The following RBFOX1 variants were observed in gnomAD, a reference collection of about 807,000 sequenced individuals.
RBFOX1 encodes the protein RNA binding fox-1 homolog 1, also known as RNA binding protein fox-1 homolog 1.
A neutral mutation model predicts 57.7 loss-of-function variants in RBFOX1; 8 were observed. The observed-to-expected ratio is 0.14, with a 90% CI of 0.08 to 0.25. The LOEUF is 0.25. RBFOX1 is among the 10% of genes least tolerant of loss of function. The probability of loss-of-function intolerance (pLI) is 1.00; values close to 1 mark genes in which losing one functional copy is unlikely to be tolerated. For missense variants in RBFOX1, 611 were observed against 548.5 expected, an observed-to-expected ratio of 1.11 and a Z score of -1.14; for synonymous variants, 326 against 222.4, an observed-to-expected ratio of 1.47 and a Z score of -4.15.
At chr16:5,851,267 C>G (rs1186118975) in intron 3 of RBFOX1, among the ~76,000 whole-genome samples, 1 of 152,192 alleles carries the variant, frequency 6.6e-6, no homozygotes, top group Non-Finnish European at 1.5e-5. Flanking sequence ...TGTTACTGAT[C>G]ACGTCCTATC....
intron 3 of RBFOX1, among the ~76,000 whole-genome samples, chr16:5,642,691 G>A (rs1356437413): frequency 6.6e-6 from 1 of 152,144 alleles, no homozygotes; most frequent in Non-Finnish European, 1.5e-5. Flanking sequence ...TTTACTAGAG[G>A]TAATTACAGA....
chr16:6,350,497 A>AAAC, intron 2 of RBFOX1, among the ~76,000 whole-genome samples: 1 of 129,688 alleles, frequency 7.7e-6, no homozygotes, highest in African/African-American at 3.0e-5. Flanking sequence ...AAAAAAAAAA[A>AAAC]AACAGTGTTC....
At chr16:6,122,264 C>G (rs1304146766) in intron 1 of RBFOX1, among the ~76,000 whole-genome samples, 2 of 151,922 alleles carry the variant, frequency 1.3e-5, no homozygotes, top group East Asian at 1.9e-4. Context: ...ATTGTCTCAT[C>G]TGCTAGTCTG....
At chr16:5,309,149 A>G (rs2064016123) in intron 1 of RBFOX1, among the ~76,000 whole-genome samples, 1 of 152,218 alleles carries the variant, frequency 6.6e-6, no homozygotes, top group South Asian at 2.1e-4. Flanking sequence ...CAGATCCCTG[A>G]CTTAAAATTC....
intron 3 of RBFOX1, among the ~76,000 whole-genome samples, chr16:5,676,645 G>T (rs2050177610): frequency 6.6e-6 from 1 of 152,172 alleles, no homozygotes; most frequent in Non-Finnish European, 1.5e-5. Flanking sequence ...AAGATCACTG[G>T]AGGCCAGGAG....
intron 3 of RBFOX1, among the ~76,000 whole-genome samples, chr16:6,850,921 C>A (rs139982857): frequency 3.2e-4 from 48 of 152,284 alleles, no homozygotes; most frequent in African/African-American, 1.1e-3. Context: ...AACCTGTATG[C>A]AAATGTTCAC....
At chr16:7,194,364 A>G (rs1001449841) in intron 4 of RBFOX1, among the ~76,000 whole-genome samples, 2 of 152,232 alleles carry the variant, frequency 1.3e-5, no homozygotes, top group African/African-American at 2.4e-5. Flanking sequence ...AAAATAATGC[A>G]TTTCAATTTA....
chr16:5,876,749 C>T (rs1405990962), intron 4 of RBFOX1, among the ~76,000 whole-genome samples: 5 of 152,294 alleles, frequency 3.3e-5, no homozygotes, highest in Admixed American at 6.5e-5. Flanking sequence ...GATGTGCTCC[C>T]GGGCTCATAC....
intron 4 of RBFOX1, among the ~76,000 whole-genome samples, chr16:7,087,526 G>A (rs962097227): frequency 1.4e-5 from 2 of 144,282 alleles, no homozygotes; most frequent in African/African-American, 5.0e-5. Flanking sequence ...GAAAAGAGAA[G>A]AAGGGCAAGA....
intron 4 of RBFOX1, among the ~76,000 whole-genome samples, chr16:5,877,893 C>A (rs140239056): frequency 1.3e-5 from 2 of 152,096 alleles, no homozygotes; most frequent in Non-Finnish European, 2.9e-5. Context: ...CTCTGGTGGG[C>A]GTGTCTTATG....
At chr16:6,222,175 G>C (rs1303291824) in intron 1 of RBFOX1, among the ~76,000 whole-genome samples, 1 of 152,138 alleles carries the variant, frequency 6.6e-6, no homozygotes, top group Non-Finnish European at 1.5e-5. Flanking sequence ...TTTTAGACTA[G>C]AGAGATATTT....
chr16:7,550,018 C>G (rs761557830), intron 5 of RBFOX1, among the ~76,000 whole-genome samples: 11 of 152,114 alleles, frequency 7.2e-5, no homozygotes, highest in Non-Finnish European at 1.0e-4. Flanking sequence ...CAGCCTTGTC[C>G]TCCTGGGCTC....
At chr16:7,311,582 C>T (rs1410078672) in intron 4 of RBFOX1, among the ~76,000 whole-genome samples, 1 of 148,630 alleles carries the variant, frequency 6.7e-6, no homozygotes, top group East Asian at 2.0e-4. Context: ...TTTTTCCCTT[C>T]CATAGATCAG....
intron 3 of RBFOX1, among the ~76,000 whole-genome samples, chr16:6,921,424 G>T (rs550881293): frequency 2.0e-5 from 3 of 152,128 alleles, no homozygotes; most frequent in African/African-American, 7.2e-5. Context: ...TTTATTTCCT[G>T]TGACCGTAAG....
At chr16:6,877,683 A>C (rs369707234) in intron 3 of RBFOX1, among the ~76,000 whole-genome samples, 1 of 152,182 alleles carries the variant, frequency 6.6e-6, no homozygotes, top group African/African-American at 2.4e-5. Flanking sequence ...AAGGATTGCT[A>C]TTCTCTGTGT....
In RBFOX1 at chr16:5,946,325, A is replaced by C. The variant is rs1325166598; in HGVS notation, c.351+78990A>C. ...GTTATTTGAGGCTCAGACTAAATGGATGTGAGTGTGTCTTCAATGATTTAC... is the reference window on the plus strand; with the variant it reads ...GTTATTTGAGGCTCAGACTAAATGGCTGTGAGTGTGTCTTCAATGATTTAC... On this transcript the variant is annotated intron_variant, in intron 4 of 19. Coordinates refer to the RBFOX1 transcript ENST00000641259. The surrounding 1 kb of genome is among the most constrained non-coding windows in gnomAD (Gnocchi z 4.6). Among the ~76,000 whole-genome samples the C allele has an allele frequency of 6.6e-6, 1 of 152,138 alleles. No individual in the cohort carries two copies. Among genetic ancestry groups the C allele is most frequent in the Non-Finnish European group, 1.5e-5 (1 of 68,026 alleles).
At chr16:6,804,812 T>G (rs1195498137) in intron 3 of RBFOX1, among the ~76,000 whole-genome samples, 1 of 152,204 alleles carries the variant, frequency 6.6e-6, no homozygotes, top group Non-Finnish European at 1.5e-5. Context: ...TTTGCCACTC[T>G]GACTTCTTAT....
Position 7,395,271 on chromosome 16 carries a change from C to T in RBFOX1, c.28-122876C>T, listed in dbSNP as rs553904443. Among the ~76,000 whole-genome samples, 36 of 152,092 alleles carry T rather than the reference C, an allele frequency of 2.4e-4. 1 individual carries two copies. Among genetic ancestry groups the T allele is most frequent in the African/African-American group, 8.7e-4 (36 of 41,488 alleles). On this transcript the variant is annotated intron_variant, in intron 4 of 15. Coordinates refer to ENST00000550418, the MANE Select transcript of RBFOX1 (RefSeq NM_018723.4). ...ACAGAATTGCTCTTTTTACTGGGAG[C>T]CCCCAACACACCTGTCATCAGATAG... is the stretch of plus-strand genomic sequence containing the variant.
At chr16:7,585,059 G>A (rs1050388080) in intron 6 of RBFOX1, among the ~76,000 whole-genome samples, 15 of 152,290 alleles carry the variant, frequency 9.8e-5, no homozygotes, top group African/African-American at 2.6e-4. Context: ...CAGTTGCATC[G>A]CGGTTTTGGA....
Sources: gnomAD v4.1 joint callset for allele counts (sites outside exome capture counted in the v4.1 genomes callset) on GRCh38, gnomAD v4.1.1 for gene constraint, Gnocchi (gnomAD v3.1) non-coding constraint, MANE v1.5 for transcripts, NCBI Gene and HGNC (gene_info 2026-07-23, HGNC 2026-07-21) for gene names.